The following PIK3R6 variants were observed in gnomAD, a reference collection of about 807,000 sequenced individuals.
The protein encoded by PIK3R6 is phosphoinositide 3-kinase regulatory subunit 6.
A neutral mutation model predicts 84.9 loss-of-function variants in PIK3R6; 91 were observed. That is an observed-to-expected ratio of 1.07 (90% CI 0.90 to 1.28). The LOEUF (loss-of-function observed/expected upper bound fraction) is 1.28. PIK3R6 is among the 50% of genes most tolerant of loss of function. The probability of loss-of-function intolerance (pLI) is 0.00; values close to 1 mark genes in which losing one functional copy is unlikely to be tolerated. For missense variants in PIK3R6, 996 were observed against 985.1 expected (o/e 1.01, Z -0.15); for synonymous variants, 416 against 411.4 (o/e 1.01, Z -0.13).
rs775137710 is a variant in PIK3R6, at chr17:8,837,819, A to C, written c.242T>G (p.Met81Arg). ...CCAGCTCACCTTGGTGAGCACGTACATTACAGTGTGCAGCAAGGGAATGAT... is the reference window on the plus strand; with the variant it reads ...CCAGCTCACCTTGGTGAGCACGTACCTTACAGTGTGCAGCAAGGGAATGAT... Reference protein sequence around the residue: ...HVIIPLLHTVMYVLTKATGIT... With the variant: ...HVIIPLLHTVRYVLTKATGIT... Residue 81 changes from methionine (M) to arginine (R), a missense_variant, in exon 5 of 20, where the codon ATG becomes AGG. Physicochemically the swap from Met to Arg is moderately conservative, Grantham distance 91. Coordinates refer to ENST00000619866, the MANE Select transcript of PIK3R6 (RefSeq NM_001010855.4). 6.6e-5 allele frequency: 106 copies of C among 1,613,728 alleles called. No homozygotes were observed. Among genetic ancestry groups the C allele is most frequent in the Non-Finnish European group, 8.7e-5 (103 of 1,179,794 alleles).
rs370195194 is a variant in PIK3R6 at position 8,823,089 on chromosome 17, G to A, written c.1627-3C>T. On this transcript the variant is annotated splice_polypyrimidine_tract_variant and splice_region_variant and intron_variant, in intron 14 of 19. Transcript: ENST00000619866. ...TGGCTCAGGTCACTGAAAAAGATCT[G>A]GAGAGAGGAAGGGAGGGTGGCATTT... The A allele has an allele frequency of 8.7e-5, 138 of 1,589,270 alleles. 1 individual carries two copies. Among genetic ancestry groups the A allele is most frequent in the Middle Eastern group, 8.3e-4 (5 of 6,006 alleles).
chr17:8,836,917 C>T lies in PIK3R6; in HGVS notation c.265G>A (p.Gly89Arg). 7.0e-7 allele frequency: 1 copy of T among 1,437,120 alleles called. No homozygotes were observed. The highest frequency in any genetic ancestry group is 9.3e-7 in the Non-Finnish European group (1 of 1,074,784). The allele number at this position is 1,437,120 out of a possible 1,614,324, so 89.0% of individuals were successfully genotyped here. A position where few individuals can be genotyped will look rare whatever the true frequency, so the allele number is the denominator to read the frequency against. ...TVMYVLTKATGITEELYQRIY... is the reference protein window; with the variant it reads ...TVMYVLTKATRITEELYQRIY... ...CTCTGGTAGAGCTCTTCTGTGATTCCTGTGGCCTGGGTGAGAGGGAGGAGG... is the reference window on the plus strand; with the variant it reads ...CTCTGGTAGAGCTCTTCTGTGATTCTTGTGGCCTGGGTGAGAGGGAGGAGG... Residue 89 changes from glycine to arginine, a missense_variant, in exon 6 of 20, where the codon GGA becomes AGA. By Grantham distance (125) the Gly-to-Arg change is moderately radical. Coordinates refer to ENST00000619866, the MANE Select transcript of PIK3R6 (RefSeq NM_001010855.4).
chr17:8,831,762 A>G (rs2088248753), intron 9 of PIK3R6, among the ~76,000 whole-genome samples: 1 of 152,164 alleles, frequency 6.6e-6, no homozygotes, highest in Non-Finnish European at 1.5e-5. Flanking sequence ...GTGACTGTGC[A>G]TATCTGGGAC....
chr17:8,827,121 G>C lies in PIK3R6; in HGVS notation c.1515+51C>G, dbSNP rs553075618. On this transcript the variant is annotated intron_variant, in intron 13 of 19. Coordinates refer to ENST00000619866, the MANE Select transcript of PIK3R6 (RefSeq NM_001010855.4). ...GCTCCTCCGTTCTCCCCTCTGCCCA[G>C]ACCCCACTCCCGTCCCTCTCTCCCT... 7.6e-5 allele frequency: 121 copies of C among 1,593,744 alleles called. 1 individual carries two copies. In the South Asian group the frequency reaches 1.3e-3, roughly 18 times the overall value.
chr17:8,867,245 TG>T (rs1415159533), intron 1 of PIK3R6, among the ~76,000 whole-genome samples: 1 of 152,196 alleles, frequency 6.6e-6, no homozygotes, highest in Non-Finnish European at 1.5e-5. Context: ...ATTAACAGCA[TG>T]TACAGGATTC....
In PIK3R6 at chr17:8,844,215, C is replaced by T. The variant is rs568924499; in HGVS notation, c.14-4518G>A. Among the ~76,000 whole-genome samples the T allele has an allele frequency of 2.0e-5, 3 of 152,370 alleles. No homozygotes were observed. The highest frequency in any genetic ancestry group is 2.9e-5 in the Non-Finnish European group (2 of 68,032). The stretch of plus-strand genomic sequence containing the variant: ...CCCTCAAGGCAGGCTCTATCTCCCT[C>T]TGCACCTTGCAAGTCTGGCCAAGCA... On this transcript the variant is annotated intron_variant, in intron 2 of 19. Coordinates refer to ENST00000619866, the MANE Select transcript of PIK3R6 (RefSeq NM_001010855.4). The surrounding 1 kb of genome is among the most constrained non-coding windows in gnomAD (Gnocchi z 4.5).
At position 8,804,170 on chromosome 17, in the gene PIK3R6, G is replaced by A. The variant is rs775642413; in HGVS notation, c.1996-17C>T. The A allele has an allele frequency of 1.4e-5, 23 of 1,595,492 alleles. No homozygotes were observed. Among genetic ancestry groups the A allele is most frequent in the South Asian group, 5.5e-5 (5 of 90,474 alleles). On this transcript the variant is annotated splice_polypyrimidine_tract_variant and intron_variant, in intron 18 of 19. Coordinates refer to ENST00000619866, the MANE Select transcript of PIK3R6 (RefSeq NM_001010855.4). ...GGTCACTGTCTGCAGCACAGAGATC[G>A]CACGTGTGAGTGTTGCCTTTGCTCG...
chr17:8,827,149 C>G, intron 13 of PIK3R6, 23 bp downstream of exon 13: 1 of 1,611,072 alleles, frequency 6.2e-7, no homozygotes, highest in Non-Finnish European at 8.5e-7. Context: ...CTCTCCCTCC[C>G]TGGTACCCTC....
intron 16 of PIK3R6, 33 bp downstream of exon 16, chr17:8,822,554 G>C: frequency 6.2e-7 from 1 of 1,608,666 alleles, no homozygotes; most frequent in Non-Finnish European, 8.5e-7. Flanking sequence ...TGTACCTCTT[G>C]GCTACCTACT....
At chr17:8,865,423 C>G (rs150533005) in intron 1 of PIK3R6, among the ~76,000 whole-genome samples, 628 of 152,236 alleles carry the variant, frequency 4.1e-3, no homozygotes, top group African/African-American at 0.015. Context: ...GCAGAAAAGA[C>G]GGGGAGCTTC....
intron 5 of PIK3R6, among the ~76,000 whole-genome samples, chr17:8,837,359 G>A (rs142203234): frequency 6.6e-6 from 1 of 152,070 alleles, no homozygotes; most frequent in East Asian, 1.9e-4. Flanking sequence ...CGACCTCAGT[G>A]TGCCCTCCGT....
In PIK3R6 at chr17:8,823,387, C is replaced by T; in HGVS notation, c.1626G>A (p.Lys542=). 6.3e-7 allele frequency: 1 copy of T among 1,587,944 alleles called. No individual in the cohort carries two copies. The highest frequency in any genetic ancestry group is 8.6e-7 in the Non-Finnish European group (1 of 1,157,104). Residue 542 remains lysine (K), a splice_region_variant and synonymous_variant, in exon 14 of 20, where the codon AAG becomes AAA. Transcript: ENST00000619866. ...QPIYFQIYTV[K]IFFSDLSQDP... ...TTGGAGCCTCCAGTGGGATGCTTAC[C>T]TTGACTGTGTAGATCTGGAAATAGA...
intron 1 of PIK3R6, among the ~76,000 whole-genome samples, chr17:8,857,168 G>A (rs4310906): frequency 0.074 from 11,210 of 152,028 alleles, 1,350 homozygotes; most frequent in African/African-American, 0.26. Context: ...GTCAGGCTTA[G>A]TTTTCTTGGC....
At position 8,862,962 on chromosome 17, in the gene PIK3R6, T is replaced by G. The variant is rs867057626; in HGVS notation, c.-92+4567A>C. ...TTCCATAGTTCCTGAGCACCTTCTA[T>G]GTGTCAGACATTGTTCCAGGTCCCA... On this transcript the variant is annotated intron_variant, in intron 1 of 19. Coordinates refer to ENST00000619866, the MANE Select transcript of PIK3R6 (RefSeq NM_001010855.4). This position sits in a 1 kb window ranked among gnomAD's most constrained non-coding sequence, Gnocchi z 4.3. Among the ~76,000 whole-genome samples the G allele has an allele frequency of 1.3e-5, 2 of 152,186 alleles. No individual in the cohort carries two copies. Among genetic ancestry groups the G allele is most frequent in the East Asian group, 3.8e-4 (2 of 5,202 alleles).
chr17:8,863,827 C>T lies in PIK3R6; in HGVS notation c.-92+3702G>A, dbSNP rs574210863. 4.6e-5 allele frequency among the ~76,000 whole-genome samples: 7 copies of T among 152,332 alleles called. No homozygotes were observed. The East Asian group carries it at 1.2e-3, about 25-fold the overall frequency. On this transcript the variant is annotated intron_variant, in intron 1 of 19. Transcript: ENST00000619866. ...GGGATTACAGGCGTGAGCCACCGCG[C>T]CCGGCCAGTTTCCAAAAGGATGATG...
chr17:8,818,792 T>C (rs2087625085), intron 18 of PIK3R6, among the ~76,000 whole-genome samples: 1 of 152,176 alleles, frequency 6.6e-6, no homozygotes, highest in Non-Finnish European at 1.5e-5. Context: ...TGACTGGACA[T>C]AGGTGCATTT....
chr17:8,858,499 T>A (rs1444083069), intron 1 of PIK3R6, among the ~76,000 whole-genome samples: 2 of 152,040 alleles, frequency 1.3e-5, no homozygotes, highest in Non-Finnish European at 2.9e-5. Flanking sequence ...GTATTTTTAG[T>A]AGAGACAGGG....
chr17:8,851,400 G>A (rs2088961978), intron 1 of PIK3R6, among the ~76,000 whole-genome samples: 1 of 144,332 alleles, frequency 6.9e-6, no homozygotes, highest in South Asian at 2.1e-4. Context: ...GGAGGCTGGG[G>A]CAGGAGAATG....
At chr17:8,824,971 T>C (rs1417096227) in intron 13 of PIK3R6, among the ~76,000 whole-genome samples, 1 of 152,212 alleles carries the variant, frequency 6.6e-6, no homozygotes, top group African/African-American at 2.4e-5. Flanking sequence ...GGTAAATTAA[T>C]GTTATATTTT....
Sources: allele counts gnomAD v4.1 joint callset (sites outside exome capture counted in the v4.1 genomes callset), GRCh38; gene constraint gnomAD v4.1.1; non-coding constraint Gnocchi (gnomAD v3.1); transcripts MANE v1.5; gene names NCBI Gene and HGNC (gene_info 2026-07-23, HGNC 2026-07-21).